Variants in P2RY13 observed in about 807,000 individuals in gnomAD.
P2RY13 encodes the protein purinergic receptor P2Y13.
For missense variants in P2RY13, 412 were observed against 418.4 expected, an observed-to-expected ratio of 0.98 and a Z score of 0.13; for synonymous variants, 150 against 155.1, an observed-to-expected ratio of 0.97 and a Z score of 0.24.
In P2RY13 at chr3:151,329,464, C is replaced by T. The variant is rs112766831; in HGVS notation, c.48+17G>A. 0.01 allele frequency: 15,659 copies of T among 1,518,288 alleles called. 122 individuals are homozygous for T. The highest frequency in any genetic ancestry group is 0.022 in the South Asian group (1,843 of 82,150). The allele number at this position is 1,518,288 out of a possible 1,614,324, so 94.1% of individuals were successfully genotyped here. ...ATATAAGCAAGCACACTCATAATAA[C>T]AAAAATTGAAATTCACCTTTGGGAG... is the stretch of plus-strand genomic sequence containing the variant. On this transcript the variant is annotated intron_variant, in intron 1 of 1. Coordinates refer to ENST00000325602, the MANE Select transcript of P2RY13 (RefSeq NM_176894.3).
chr3:151,328,885 G>A lies in P2RY13; in HGVS notation c.171C>T (p.Thr57=), dbSNP rs750375754. ...FPALYTVVFL[T]GILLNTLALW... ...GAGCCAAAGTATTCAGCAGGATGCC[G>A]GTCAAGAAAACCACTGTGTAGAGGG... The change falls in exon 2 of 2, where the codon ACC becomes ACT. Residue 57 remains threonine, a synonymous_variant. Coordinates refer to ENST00000325602, the MANE Select transcript of P2RY13 (RefSeq NM_176894.3). 35 of 1,613,886 alleles carry A rather than the reference G, an allele frequency of 2.2e-5. No individual in the cohort carries two copies. Among genetic ancestry groups the A allele is most frequent in the Admixed American group, 1.5e-4 (9 of 59,984 alleles).
chr3:151,327,237 C>G lies in P2RY13; in HGVS notation c.*754G>C, dbSNP rs1452325297. On this transcript the variant is annotated 3_prime_UTR_variant, in exon 2 of 2. Transcript: ENST00000325602. Reference sequence around the variant, plus strand: ...GGGCAGGGGGATAGGGGTTGTGGTCCAGGAAGGCATTGCTGAGTAGGTGCC... The same window carrying G: ...GGGCAGGGGGATAGGGGTTGTGGTCGAGGAAGGCATTGCTGAGTAGGTGCC... 6.6e-6 allele frequency: 1 copy of G among 152,088 alleles called. No homozygotes were observed. The highest frequency in any genetic ancestry group is 6.6e-5 in the Admixed American group (1 of 15,258). The allele number at this position is 152,088 out of a possible 1,614,324, so 9.4% of individuals were successfully genotyped here.
chr3:151,328,907 A>G lies in P2RY13; in HGVS notation c.149T>C (p.Leu50Pro). The G allele has an allele frequency of 6.2e-7, 1 of 1,614,038 alleles. No individual in the cohort carries two copies. The highest frequency in any genetic ancestry group is 2.2e-5 in the East Asian group (1 of 44,876). Residue 50 changes from leucine (L) to proline (P), a missense_variant, in exon 2 of 2, where the codon CTC (leucine) becomes CCC (proline). By Grantham distance (98) the Leu-to-Pro change is moderately conservative. Transcript: ENST00000325602. ...GCCGGTCAAGAAAACCACTGTGTAG[A>G]GGGCTGGGAATACCAGCTGTACTAT... ...TRIVQLVFPA[L>P]YTVVFLTGIL...
chr3:151,327,113 T>G lies in P2RY13; in HGVS notation c.*878A>C, dbSNP rs1340005031. ...AAGAAGCTTTAACATTTTTAGCGGA[T>G]GCAGTCAAGAATATAGCTAACTAGA... On this transcript the variant is annotated 3_prime_UTR_variant, in exon 2 of 2. Transcript: ENST00000325602. The G allele has an allele frequency of 2.0e-5, 3 of 152,222 alleles. No individual in the cohort carries two copies. Among genetic ancestry groups the G allele is most frequent in the Admixed American group, 6.5e-5 (1 of 15,274 alleles). 9.4% of individuals were successfully genotyped at this position (152,222 alleles called of 1,614,324 possible). A position where few individuals can be genotyped will look rare whatever the true frequency, so the allele number is the denominator to read the frequency against.
Position 151,327,745 on chromosome 3 carries a change from AAAAAG to A in P2RY13, c.*241_*245del. 6.1e-6 allele frequency: 2 copies of A among 329,150 alleles called. No homozygotes were observed. The highest frequency in any genetic ancestry group is 1.1e-5 in the Non-Finnish European group (2 of 184,248). The allele number at this position is 329,150 out of a possible 1,614,324, so 20.4% of individuals were successfully genotyped here. A position where few individuals can be genotyped will look rare whatever the true frequency, so the allele number is the denominator to read the frequency against. The stretch of plus-strand genomic sequence containing the variant: ...AATGCTCTTGAAATTAAAAAAAAAA[AAAAAG>A]AAAGAAAGAAATAATGACCTCTAGT... On this transcript the variant is annotated 3_prime_UTR_variant, in exon 2 of 2. Transcript: ENST00000325602.
chr3:151,329,435 T>C (rs958075039), intron 1 of P2RY13, 46 bp downstream of exon 1: 2 of 1,274,800 alleles, frequency 1.6e-6, no homozygotes, highest in African/African-American at 1.5e-5. Flanking sequence ...AAGCATATTC[T>C]TTTATATAAG....
At chr3:151,329,346 TTGC>T (rs1750085175) in intron 1 of P2RY13, 132 bp downstream of exon 1, 1 of 605,148 alleles carries the variant, frequency 1.7e-6, no homozygotes, top group Non-Finnish European at 2.9e-6. Flanking sequence ...ATACATCAGA[TTGC>T]TGTAAATTAT....
At chr3:151,329,099 A>G (rs987614742) in intron 1 of P2RY13, 92 bp from the exon 2 acceptor site, 2 of 876,668 alleles carry the variant, frequency 2.3e-6, no homozygotes, top group Admixed American at 2.7e-5. Flanking sequence ...CTTTATGTTT[A>G]TAGCATATTA....
In P2RY13 at chr3:151,328,468, G is replaced by A. The variant is rs1441782781; in HGVS notation, c.588C>T (p.Ser196=). 1.2e-6 allele frequency: 2 copies of A among 1,613,964 alleles called. No individual in the cohort carries two copies. Among genetic ancestry groups the A allele is most frequent in the Admixed American group, 3.3e-5 (2 of 59,970 alleles). ...ATTTCAGCCCCAGAGGCCCCTTTAA[G>A]GAAGCACACTTTTTCACAGACGATG... The part of the protein sequence containing the change: ...ATPSSVKKCA[S]LKGPLGLKWH... Residue 196 remains serine, a synonymous_variant, in exon 2 of 2, where the codon TCC becomes TCT. Coordinates refer to ENST00000325602, the MANE Select transcript of P2RY13 (RefSeq NM_176894.3).
rs1277313803 is a variant in P2RY13 at position 151,328,981 on chromosome 3, T to C, written c.75A>G (p.Thr25=). The part of the protein sequence containing the change: ...PKVTLEAMNT[T]VMQGFNRSER... Reference sequence around the variant, plus strand: ...CAGATCTGTTGAAGCCTTGCATCACTGTGGTGTTCATTGCTTCCAGTGTCA... The same window carrying C: ...CAGATCTGTTGAAGCCTTGCATCACCGTGGTGTTCATTGCTTCCAGTGTCA... The change falls in exon 2 of 2, where the codon ACA becomes ACG. Residue 25 remains threonine (T), a synonymous_variant. Coordinates refer to ENST00000325602, the MANE Select transcript of P2RY13 (RefSeq NM_176894.3). 2.5e-6 allele frequency: 4 copies of C among 1,605,492 alleles called. No individual in the cohort carries two copies. The South Asian group carries it at 4.4e-5, about 18-fold the overall frequency.
Position 151,328,928 on chromosome 3 carries a change from A to G in P2RY13, c.128T>C (p.Val43Ala), listed in dbSNP as rs746804027. The part of the protein sequence containing the change: ...SERCPRDTRI[V>A]QLVFPALYTV... The stretch of plus-strand genomic sequence containing the variant: ...GTAGAGGGCTGGGAATACCAGCTGT[A>G]CTATCCGAGTGTCTCTGGGGCACCG... Residue 43 changes from valine to alanine, a missense_variant, in exon 2 of 2, where the codon GTA (valine) becomes GCA (alanine). By Grantham distance (64) the Val-to-Ala change is moderately conservative. Transcript: ENST00000325602. 2.5e-6 allele frequency: 4 copies of G among 1,613,748 alleles called. No homozygotes were observed. In the Admixed American group the frequency reaches 6.7e-5, roughly 27 times the overall value.
At position 151,328,856 on chromosome 3, in the gene P2RY13, C is replaced by T; in HGVS notation, c.200G>A (p.Trp67Ter). ...TGILLNTLAL[W>*]VFVHIPSSST... Reference sequence around the variant, plus strand: ...GGAGCTGGGGATGTGAACAAACACCCACAGAGCCAAAGTATTCAGCAGGAT... The same window carrying T: ...GGAGCTGGGGATGTGAACAAACACCTACAGAGCCAAAGTATTCAGCAGGAT... The change falls in exon 2 of 2, where the codon TGG becomes TAG. Residue 67 changes from tryptophan to a stop codon, truncating the protein, a stop_gained. Coordinates refer to ENST00000325602, the MANE Select transcript of P2RY13 (RefSeq NM_176894.3). LOFTEE classifies it low-confidence loss of function (END_TRUNC). 6.2e-7 allele frequency: 1 copy of T among 1,614,000 alleles called. No individual in the cohort carries two copies. The highest frequency in any genetic ancestry group is 8.5e-7 in the Non-Finnish European group (1 of 1,179,956).
At position 151,327,689 on chromosome 3, in the gene P2RY13, CT is replaced by C. The variant is rs1749797991; in HGVS notation, c.*301del. 4.9e-6 allele frequency: 1 copy of C among 205,368 alleles called. No homozygotes were observed. Among genetic ancestry groups the C allele is most frequent in the South Asian group, 1.6e-4 (1 of 6,430 alleles). The allele number at this position is 205,368 out of a possible 1,614,324, so 12.7% of individuals were successfully genotyped here. ...GGGAGGTTTGTAGGGATATACGTTT[CT>C]CCTTAGTCTTTTCCAAAATGTTAAA... On this transcript the variant is annotated 3_prime_UTR_variant, in exon 2 of 2. Coordinates refer to ENST00000325602, the MANE Select transcript of P2RY13 (RefSeq NM_176894.3).
Position 151,328,572 on chromosome 3 carries a change from T to G in P2RY13, c.484A>C (p.Thr162Pro). ...AAGAACCAGATGAAGATTGAGACCGTTTTTGCAAAAACAGGTTTTTTTAGA... is the reference window on the plus strand; with the variant it reads ...AAGAACCAGATGAAGATTGAGACCGGTTTTGCAAAAACAGGTTTTTTTAGA... ...IFLKKPVFAKTVSIFIWFFLF... is the reference protein window; with the variant it reads ...IFLKKPVFAKPVSIFIWFFLF... The change falls in exon 2 of 2, where the codon ACG (threonine) becomes CCG (proline). Residue 162 changes from threonine to proline, a missense_variant. By Grantham distance (38) the Thr-to-Pro change is conservative. Transcript: ENST00000325602. 1 of 1,613,646 alleles carries G rather than the reference T, an allele frequency of 6.2e-7. No homozygotes were observed. The highest frequency in any genetic ancestry group is 8.5e-7 in the Non-Finnish European group (1 of 1,179,804).
rs537821753 is a variant in P2RY13, at chr3:151,327,154, T to C, written c.*837A>G. 3.9e-5 allele frequency: 6 copies of C among 152,248 alleles called. No individual in the cohort carries two copies. The South Asian group carries it at 1.2e-3, about 32-fold the overall frequency. 9.4% of individuals were successfully genotyped at this position (152,248 alleles called of 1,614,324 possible). A position where few individuals can be genotyped will look rare whatever the true frequency, so the allele number is the denominator to read the frequency against. ...GCTAACTAGAAAAGGGAGATCTGCATTGAGAACCCTATCACACACCCAAAC... is the reference window on the plus strand; with the variant it reads ...GCTAACTAGAAAAGGGAGATCTGCACTGAGAACCCTATCACACACCCAAAC... On this transcript the variant is annotated 3_prime_UTR_variant, in exon 2 of 2. Coordinates refer to ENST00000325602, the MANE Select transcript of P2RY13 (RefSeq NM_176894.3).
In P2RY13 at chr3:151,329,100, TA is replaced by T. The variant is rs369369502; in HGVS notation, c.49-94del. On this transcript the variant is annotated intron_variant, in intron 1 of 1. Coordinates refer to ENST00000325602, the MANE Select transcript of P2RY13 (RefSeq NM_176894.3). Reference sequence around the variant, plus strand: ...TTTTTAAAAACAGACTTTATGTTTATAGCATATTAACATCCTGCATTTATCC... The same window carrying T: ...TTTTTAAAAACAGACTTTATGTTTATGCATATTAACATCCTGCATTTATCC... The T allele has an allele frequency of 6.8e-6, 6 of 879,474 alleles. No homozygotes were observed. In the African/African-American group the frequency reaches 8.4e-5, roughly 12 times the overall value. The allele number at this position is 879,474 out of a possible 1,614,324, so 54.5% of individuals were successfully genotyped here. A position where few individuals can be genotyped will look rare whatever the true frequency, so the allele number is the denominator to read the frequency against.
In P2RY13 at chr3:151,328,571, G is replaced by GT; in HGVS notation, c.484dup (p.Thr162AsnfsTer50). On this transcript the variant is annotated frameshift_variant, in exon 2 of 2. Transcript: ENST00000325602. LOFTEE classifies it low-confidence loss of function (END_TRUNC). The stretch of plus-strand genomic sequence containing the variant: ...AAAGAACCAGATGAAGATTGAGACC[G>GT]TTTTTGCAAAAACAGGTTTTTTTAG... 2 of 1,613,566 alleles carry GT rather than the reference G, an allele frequency of 1.2e-6. No homozygotes were observed.
chr3:151,328,056 T>C lies in P2RY13; in HGVS notation c.1000A>G (p.Arg334Gly). Residue 334 changes from arginine to glycine, a missense_variant, in exon 2 of 2, where the codon AGA (arginine) becomes GGA (glycine). Coordinates refer to ENST00000325602, the MANE Select transcript of P2RY13 (RefSeq NM_176894.3). ...TCTTGGCTTGATGCTGTGGTCTTTCTCCCTTGCATACATGGTAGCTTTTCT... is the reference window on the plus strand; with the variant it reads ...TCTTGGCTTGATGCTGTGGTCTTTCCCCCTTGCATACATGGTAGCTTTTCT... ...FTEKLPCMQGRKTTASSQENH... is the reference protein window; with the variant it reads ...FTEKLPCMQGGKTTASSQENH... The C allele has an allele frequency of 2.5e-6, 4 of 1,606,900 alleles. No individual in the cohort carries two copies. The highest frequency in any genetic ancestry group is 3.4e-6 in the Non-Finnish European group (4 of 1,177,566).
Position 151,328,988 on chromosome 3 carries a change from T to A in P2RY13, c.68A>T (p.Asn23Ile). 1 of 1,600,034 alleles carries A rather than the reference T, an allele frequency of 6.2e-7. No homozygotes were observed. Among genetic ancestry groups the A allele is most frequent in the South Asian group, 1.1e-5 (1 of 89,302 alleles). Residue 23 changes from asparagine (N) to isoleucine (I), a missense_variant, in exon 2 of 2, where the codon AAC becomes ATC. By Grantham distance (149) the Asn-to-Ile change is moderately radical. Coordinates refer to ENST00000325602, the MANE Select transcript of P2RY13 (RefSeq NM_176894.3). Reference sequence around the variant, plus strand: ...GTTGAAGCCTTGCATCACTGTGGTGTTCATTGCTTCCAGTGTCACCTGTTA... The same window carrying A: ...GTTGAAGCCTTGCATCACTGTGGTGATCATTGCTTCCAGTGTCACCTGTTA... Reference protein sequence around the residue: ...ILPKVTLEAMNTTVMQGFNRS... With the variant: ...ILPKVTLEAMITTVMQGFNRS...
Sources: allele counts gnomAD v4.1 joint callset, GRCh38; gene constraint gnomAD v4.1.1; transcripts MANE v1.5; gene names NCBI Gene and HGNC (gene_info 2026-07-23, HGNC 2026-07-21).